Variants in P2RX5 observed in about 807,000 individuals in gnomAD.
P2RX5 encodes purinergic receptor P2X 5.
P2RX5 carries 46 observed loss-of-function variants against 54.1 expected under a neutral mutation model. The observed-to-expected ratio is 0.85, with a 90% CI of 0.67 to 1.09. The LOEUF (loss-of-function observed/expected upper bound fraction) is 1.09. Ranked by LOEUF, P2RX5 falls within the 50% of genes least tolerant of loss-of-function variation. P2RX5 has a pLI of 0.00. For synonymous variants in P2RX5, 226 were observed against 226.4 expected (o/e 1.00, Z 0.02); for missense variants, 566 against 549.8 (o/e 1.03, Z -0.29).
At position 3,690,053 on chromosome 17, in the gene P2RX5, T is replaced by C. The variant is rs2143000669; in HGVS notation, c.614+17A>G. 6.2e-7 allele frequency: 1 copy of C among 1,612,710 alleles called. No homozygotes were observed. The highest frequency in any genetic ancestry group is 1.3e-5 in the African/African-American group (1 of 75,036). On this transcript the variant is annotated intron_variant, in intron 6 of 11. Transcript: ENST00000225328. ...ACCAAGGCCCACCCGTGGCCCCCAGTAGCCAAGCCCACGTACTTGGAGAAG... is the reference window on the plus strand; with the variant it reads ...ACCAAGGCCCACCCGTGGCCCCCAGCAGCCAAGCCCACGTACTTGGAGAAG...
At chr17:3,712,364 G>C in the P2RX5 span, among the ~76,000 whole-genome samples, 3 of 152,184 alleles carry the variant, frequency 2.0e-5, no homozygotes, top group African/African-American at 7.2e-5. Flanking sequence ...AAGGTACGGG[G>C]CTCCATGAGA....
At chr17:3,683,640 G>T (rs2050348606) in intron 9 of P2RX5, among the ~76,000 whole-genome samples, 1 of 150,030 alleles carries the variant, frequency 6.7e-6, no homozygotes, top group Admixed American at 6.7e-5. Flanking sequence ...TGAGGCAGAA[G>T]AATTGCTTGA....
intron 11 of P2RX5, chr17:3,677,809 C>G (rs1362884745): frequency 1.0e-6 from 1 of 985,270 alleles, no homozygotes; most frequent in Admixed American, 6.2e-5. Context: ...TCCAAACACT[C>G]CACTTCCGCT....
chr17:3,680,357 G>GCA (rs1254801436), intron 10 of P2RX5, among the ~76,000 whole-genome samples: 49 of 79,628 alleles, frequency 6.2e-4, no homozygotes, highest in Admixed American at 1.0e-3. Context: ...TCCACCCAGT[G>GCA]TCCTCCACCC....
At chr17:3,684,024 G>C (rs929413810) in intron 9 of P2RX5, among the ~76,000 whole-genome samples, 9 of 152,242 alleles carry the variant, frequency 5.9e-5, no homozygotes, top group Admixed American at 3.3e-4. Context: ...GGACCTGCCG[G>C]GATGGGCACT....
At chr17:3,693,144 A>AGAG (rs200933135) in intron 1 of P2RX5, among the ~76,000 whole-genome samples, 5 of 151,202 alleles carry the variant, frequency 3.3e-5, no homozygotes, top group African/African-American at 1.2e-4. Flanking sequence ...AAAAAAAAAA[A>AGAG]AGAGAGAGAG....
the P2RX5 span, chr17:3,714,922 T>C: frequency 6.2e-7 from 1 of 1,607,000 alleles, no homozygotes; most frequent in African/African-American, 1.3e-5. Context: ...GTTGTTGATA[T>C]TTTCTTTTAA....
upstream of P2RX5, among the ~76,000 whole-genome samples, chr17:3,700,972 C>T (rs1040729628): frequency 2.6e-5 from 4 of 152,160 alleles, no homozygotes; most frequent in Non-Finnish European, 4.4e-5. Flanking sequence ...GCAGTCACAA[C>T]CCCCTCACTG....
Position 3,674,788 on chromosome 17 carries a change from C to T in P2RX5, c.1260-911G>A, listed in dbSNP as rs578103165. Among the ~76,000 whole-genome samples, 91 of 152,336 alleles carry T rather than the reference C, an allele frequency of 6.0e-4. 4 individuals are homozygous for T. In the South Asian group the frequency reaches 0.018, roughly 29 times the overall value. ...GCTGCTATAACCTTTCAGATTTCAA[C>T]TCATAGGTCACTTCCTTGGGGAAAC... On this transcript the variant is annotated intron_variant, in intron 11 of 11. Coordinates refer to ENST00000225328, the MANE Select transcript of P2RX5 (RefSeq NM_002561.4).
the P2RX5 span, chr17:3,723,742 G>C: frequency 8.7e-6 from 14 of 1,607,164 alleles, no homozygotes; most frequent in East Asian, 2.2e-5. Flanking sequence ...ACACCGTGGA[G>C]GCCTGAAACG....
chr17:3,676,143 C>T (rs536286110), intron 11 of P2RX5: 11 of 985,444 alleles, frequency 1.1e-5, no homozygotes, highest in East Asian at 2.3e-4. Context: ...CCAGGTGGCT[C>T]GGGCAATGGC....
At chr17:3,722,695 G>A in the P2RX5 span, among the ~76,000 whole-genome samples, 128 of 152,150 alleles carry the variant, frequency 8.4e-4, no homozygotes, top group Non-Finnish European at 1.6e-3. Flanking sequence ...ACTAGGAGAT[G>A]AAGTTGAAGA....
At chr17:3,700,802 A>G (rs113334341), upstream of P2RX5, among the ~76,000 whole-genome samples, 1,700 of 152,254 alleles carry the variant, frequency 0.011, 28 homozygotes, top group African/African-American at 0.039. Context: ...CTAGTTGTTT[A>G]AAAGAACCTG....
chr17:3,693,021 G>A (rs2050660071), intron 1 of P2RX5, among the ~76,000 whole-genome samples: 1 of 151,504 alleles, frequency 6.6e-6, no homozygotes, highest in South Asian at 2.1e-4. Context: ...TAATGTAGCT[G>A]GTAAGGGTTT....
At position 3,689,408 on chromosome 17, in the gene P2RX5, C is replaced by A; in HGVS notation, c.753+84G>T. ...GCAGGGCCACCCTCGCCCCACGAGT[C>A]CCCGTCCACACCCTCCTCGTCACAG... On this transcript the variant is annotated intron_variant, in intron 7 of 11. Transcript: ENST00000225328. The A allele has an allele frequency of 2.6e-6, 4 of 1,529,402 alleles. No homozygotes were observed. In the South Asian group the frequency reaches 4.5e-5, roughly 17 times the overall value. 94.7% of individuals were successfully genotyped at this position (1,529,402 alleles called of 1,614,324 possible).
At chr17:3,689,759 C>A in intron 6 of P2RX5, 129 bp from the exon 7 acceptor site, 1 of 1,278,164 alleles carries the variant, frequency 7.8e-7, no homozygotes, top group Non-Finnish European at 1.1e-6. Flanking sequence ...CACTTTACAG[C>A]AGGGGAAGGG....
chr17:3,688,585 G>C (rs778734865), intron 8 of P2RX5, 41 bp downstream of exon 8: 2 of 1,611,532 alleles, frequency 1.2e-6, no homozygotes, highest in Non-Finnish European at 1.7e-6. Flanking sequence ...GAGTGCCACT[G>C]ATCATGGTCA....
chr17:3,682,207 C>G (rs1046116061), intron 9 of P2RX5: 8 of 573,864 alleles, frequency 1.4e-5, no homozygotes, highest in African/African-American at 1.3e-4. Flanking sequence ...ACAGGCCAGG[C>G]ACTCCCCGAC....
chr17:3,702,775 G>T, the P2RX5 span, among the ~76,000 whole-genome samples: 4 of 152,176 alleles, frequency 2.6e-5, no homozygotes, highest in African/African-American at 7.2e-5. Flanking sequence ...AGAACCCACC[G>T]GAAGGAACCA....
Sources: allele counts gnomAD v4.1 joint callset (sites outside exome capture counted in the v4.1 genomes callset), GRCh38; gene constraint gnomAD v4.1.1; transcripts MANE v1.5; gene names NCBI Gene and HGNC (gene_info 2026-07-23, HGNC 2026-07-21).